RRM2: variants seen among roughly 807,000 people sequenced by gnomAD.
RRM2 encodes ribonucleoside-diphosphate reductase subunit M2.
In RRM2, 6 loss-of-function variants were observed where a neutral mutation model predicts 45.9. The ratio of observed to expected loss-of-function variants is 0.13; its 90% CI spans 0.07 to 0.26. The LOEUF (loss-of-function observed/expected upper bound fraction) is 0.26, where lower values mean the gene tolerates loss of function less well. Among genes scored for constraint, RRM2 ranks in the 10% least tolerant of loss-of-function variants. The probability of loss-of-function intolerance (pLI) is 1.00; values close to 1 mark genes in which losing one functional copy is unlikely to be tolerated. For synonymous variants in RRM2, 177 were observed against 173.0 expected, an observed-to-expected ratio of 1.02 and a Z score of -0.18; for missense variants, 343 against 489.5, an observed-to-expected ratio of 0.70 and a Z score of 2.82.
chr2:10,199,800 A>AAAAAAACAAAAAAAAAC (rs57474218), intron 3 of RRM2, among the ~76,000 whole-genome samples: 6 of 97,884 alleles, frequency 6.1e-5, no homozygotes, highest in Non-Finnish European at 9.6e-5. Flanking sequence ...AAAAAAAAAA[A>AAAAAAACAAAAAAAAAC]AAAAAAAAAC....
At chr2:10,147,848 G>T (rs1476160266) in intron 3 of RRM2, among the ~76,000 whole-genome samples, 1 of 151,992 alleles carries the variant, frequency 6.6e-6, no homozygotes, top group Non-Finnish European at 1.5e-5. Context: ...GAAAGATAAA[G>T]AAATCAGAGA....
chr2:10,150,244 G>A (rs1461918589), intron 3 of RRM2, among the ~76,000 whole-genome samples: 7 of 152,062 alleles, frequency 4.6e-5, no homozygotes, highest in African/African-American at 1.4e-4. Context: ...TCAGGAGATC[G>A]AGACCATCCT....
At position 10,171,166 on chromosome 2, in the gene RRM2, T is replaced by C. The variant is rs983977081; in HGVS notation, n.482+28791T>C. Among the ~76,000 whole-genome samples, 1 of 152,204 alleles carries C rather than the reference T, an allele frequency of 6.6e-6. No homozygotes were observed. The highest frequency in any genetic ancestry group is 1.5e-5 in the Non-Finnish European group (1 of 68,028). On this transcript the variant is annotated intron_variant and non_coding_transcript_variant, in intron 3 of 3. Coordinates refer to the RRM2 transcript ENST00000381786. This position sits in a 1 kb window ranked among gnomAD's most constrained non-coding sequence, Gnocchi z 4.1. ...GCATCGAGCCTGCGATGGGGCAACG[T>C]GTGGTGTGGAGGCCATACCCCTCCT... is the stretch of plus-strand genomic sequence containing the variant.
chr2:10,190,496 G>T (rs952138249), intron 3 of RRM2, among the ~76,000 whole-genome samples: 9 of 150,344 alleles, frequency 6.0e-5, no homozygotes, highest in Non-Finnish European at 7.4e-5. Flanking sequence ...TGGGGTTGGT[G>T]GTGATAAGTG....
chr2:10,162,342 G>A (rs1291128645), intron 3 of RRM2, among the ~76,000 whole-genome samples: 1 of 152,220 alleles, frequency 6.6e-6, no homozygotes, highest in African/African-American at 2.4e-5. Flanking sequence ...GTCTCGATGT[G>A]TGTGGGCGTG....
At chr2:10,148,867 A>C (rs1663246519) in intron 3 of RRM2, among the ~76,000 whole-genome samples, 1 of 151,938 alleles carries the variant, frequency 6.6e-6, no homozygotes, top group Non-Finnish European at 1.5e-5. Flanking sequence ...TAGATCTTCC[A>C]AATCTGTAAT....
At chr2:10,210,642 C>T (rs528178135) in exon 4 of RRM2, 58 of 1,342,282 alleles carry the variant, frequency 4.3e-5, no homozygotes, top group Non-Finnish European at 5.1e-5. Context: ...CCTCTCATGC[C>T]GGAGTGGGGG....
intron 3 of RRM2, among the ~76,000 whole-genome samples, chr2:10,175,097 A>G (rs1253937796): frequency 2.0e-5 from 3 of 152,236 alleles, no homozygotes; most frequent in Admixed American, 6.5e-5. Context: ...ATATAATTAC[A>G]TGCAGAAAAG....
In RRM2 at chr2:10,127,567, T is replaced by C. The variant is rs1662808809; in HGVS notation, c.798+347T>C. On this transcript the variant is annotated intron_variant, in intron 7 of 9. Transcript: ENST00000304567. This position sits in a 1 kb window ranked among gnomAD's most constrained non-coding sequence, Gnocchi z 4.1. ...TTGGCTCACTGCAACCTCTGCCTCCTAGGTTCAAGTGATTCTCCCGCCTCA... is the reference window on the plus strand; with the variant it reads ...TTGGCTCACTGCAACCTCTGCCTCCCAGGTTCAAGTGATTCTCCCGCCTCA... 6.6e-6 allele frequency among the ~76,000 whole-genome samples: 1 copy of C among 152,078 alleles called. No individual in the cohort carries two copies. The highest frequency in any genetic ancestry group is 2.4e-5 in the African/African-American group (1 of 41,428).
chr2:10,184,079 C>T (rs1231126110), intron 3 of RRM2, among the ~76,000 whole-genome samples: 12 of 111,150 alleles, frequency 1.1e-4, no homozygotes, highest in African/African-American at 3.9e-4. Flanking sequence ...GGTGACAGAG[C>T]GAGACTCCAT....
At chr2:10,197,844 A>G (rs935192957) in intron 3 of RRM2, among the ~76,000 whole-genome samples, 1 of 152,096 alleles carries the variant, frequency 6.6e-6, no homozygotes, top group African/African-American at 2.4e-5. Flanking sequence ...TCTAAGGCCC[A>G]GGCTCTGGGA....
chr2:10,138,246 C>G (rs1663025354), upstream of RRM2, among the ~76,000 whole-genome samples: 1 of 151,570 alleles, frequency 6.6e-6, no homozygotes, highest in Admixed American at 6.6e-5. Context: ...CAGCTCACCA[C>G]AATCTCTGCC....
intron 3 of RRM2, among the ~76,000 whole-genome samples, chr2:10,208,101 AGGAATTG>A (rs763825060): frequency 3.2e-4 from 48 of 152,366 alleles, no homozygotes; most frequent in Admixed American, 7.2e-4. Context: ...TGGAGAAAGA[AGGAATTG>A]GGAATTGGGA....
chr2:10,145,981 G>C (rs1663178576), intron 3 of RRM2: 1 of 152,226 alleles, frequency 6.6e-6, no homozygotes, highest in Non-Finnish European at 1.5e-5. Context: ...ACTCCCCAGA[G>C]GGGGCAGGTG....
At chr2:10,123,555 C>G in intron 3 of RRM2, 25 bp downstream of exon 3, 1 of 1,587,118 alleles carries the variant, frequency 6.3e-7, no homozygotes, top group South Asian at 1.1e-5. Flanking sequence ...CCAGAAGACC[C>G]CTGCAGGGGT....
rs5030743 is a variant in RRM2 at position 10,123,747 on chromosome 2, C to G, written c.330C>G (p.Ser110=). 4.8e-3 allele frequency: 7,629 copies of G among 1,603,118 alleles called. 313 individuals carry two copies. The African/African-American group carries it at 0.09, about 19-fold the overall frequency. Residue 110 remains serine (S), a synonymous_variant, in exon 4 of 10, where the codon TCC becomes TCG. Transcript: ENST00000304567. ...SFWTAEEVDL[S]KDIQHWESLK... The stretch of plus-strand genomic sequence containing the variant: ...CTTCCGAACCTCAGGTGGACCTCTC[C>G]AAGGACATTCAGCACTGGGAATCCC...
intron 3 of RRM2, among the ~76,000 whole-genome samples, chr2:10,152,587 G>A (rs140227290): frequency 8.6e-5 from 13 of 151,064 alleles, no homozygotes; most frequent in African/African-American, 3.2e-4. Context: ...GGCTCAAGCA[G>A]TTCTCCCACC....
rs146767193 is a variant in RRM2, at chr2:10,203,612, G to A, written n.483-6699G>A. 1.7e-4 allele frequency among the ~76,000 whole-genome samples: 26 copies of A among 152,206 alleles called. No homozygotes were observed. The East Asian group carries it at 2.3e-3, about 14-fold the overall frequency. On this transcript the variant is annotated intron_variant and non_coding_transcript_variant, in intron 3 of 3. Transcript: ENST00000381786. ...CTAAAAATACAAAACTTAGCCAGGC[G>A]TGGTGGTGCAAGCCTGTAATTGCAG...
Position 10,172,246 on chromosome 2 carries a change from G to A in RRM2, n.482+29871G>A, listed in dbSNP as rs1432108451. ...GGGTGCTGAGGCCCACCTGTCTGGC[G>A]AGGGTCTGGGGGAGGTCGGATGAGA... On this transcript the variant is annotated intron_variant and non_coding_transcript_variant, in intron 3 of 3. Coordinates refer to the RRM2 transcript ENST00000381786. This position sits in a 1 kb window ranked among gnomAD's most constrained non-coding sequence, Gnocchi z 4.9. 6.6e-6 allele frequency among the ~76,000 whole-genome samples: 1 copy of A among 152,126 alleles called. No individual in the cohort carries two copies. Among genetic ancestry groups the A allele is most frequent in the Non-Finnish European group, 1.5e-5 (1 of 68,020 alleles).
Sources: allele counts gnomAD v4.1 joint callset (sites outside exome capture counted in the v4.1 genomes callset), GRCh38; gene constraint gnomAD v4.1.1; non-coding constraint Gnocchi (gnomAD v3.1); transcripts MANE v1.5; gene names NCBI Gene and HGNC (gene_info 2026-07-23, HGNC 2026-07-21).